The following RASGRP3 variants were observed in gnomAD, a reference collection of about 807,000 sequenced individuals.
RASGRP3 encodes RAS guanyl releasing protein 3.
In RASGRP3, 54 loss-of-function variants were observed where a neutral mutation model predicts 82.7. The ratio of observed to expected loss-of-function variants is 0.65; its 90% CI spans 0.52 to 0.82. The LOEUF (loss-of-function observed/expected upper bound fraction) is 0.82, where lower values mean the gene tolerates loss of function less well. Among genes scored for constraint, RASGRP3 ranks in the 40% least tolerant of loss-of-function variants. RASGRP3 has a pLI of 0.00. For missense variants in RASGRP3, 861 were observed against 828.9 expected (o/e 1.04, Z -0.48); for synonymous variants, 309 against 300.5 (o/e 1.03, Z -0.29).
At chr2:33,516,128 G>A (rs1032509519) in intron 3 of RASGRP3, among the ~76,000 whole-genome samples, 10 of 152,166 alleles carry the variant, frequency 6.6e-5, no homozygotes, top group African/African-American at 2.2e-4. Context: ...ATCACTGGTC[G>A]GCCAGGCGCA....
At chr2:33,524,569 A>G in intron 9 of RASGRP3, 21 bp downstream of exon 9, 1 of 1,503,098 alleles carries the variant, frequency 6.7e-7, no homozygotes, top group Non-Finnish European at 9.1e-7. Context: ...CTTGATCCTA[A>G]TCAAAAGTAA....
At chr2:33,556,295 C>T (rs1162572041) in intron 15 of RASGRP3, among the ~76,000 whole-genome samples, 1 of 78,346 alleles carries the variant, frequency 1.3e-5, no homozygotes, top group Non-Finnish European at 2.2e-5. Context: ...GGCCGGACTG[C>T]GGACTGCAGT....
rs1326653651 is a variant in RASGRP3, at chr2:33,563,313, T to G, written c.*576T>G. Reference sequence around the variant, plus strand: ...CTCATCAGACACTGGAATGCAGTGATTCTTCTAATGATGGTCAACTGCAAG... The same window carrying G: ...CTCATCAGACACTGGAATGCAGTGAGTCTTCTAATGATGGTCAACTGCAAG... On this transcript the variant is annotated 3_prime_UTR_variant, in exon 18 of 18. Transcript: ENST00000403687. 6.5e-6 allele frequency: 1 copy of G among 152,754 alleles called. No homozygotes were observed. The highest frequency in any genetic ancestry group is 1.5e-5 in the Non-Finnish European group (1 of 68,528). The allele number at this position is 152,754 out of a possible 1,614,324, so 9.5% of individuals were successfully genotyped here.
chr2:33,465,718 A>G (rs1319758934), intron 2 of RASGRP3, among the ~76,000 whole-genome samples: 3 of 152,226 alleles, frequency 2.0e-5, no homozygotes, highest in East Asian at 3.8e-4. Flanking sequence ...TTTCATAGCT[A>G]GAAAGAAGTC....
At chr2:33,530,980 A>G (rs1013328469) in intron 10 of RASGRP3, 15 of 152,236 alleles carry the variant, frequency 9.9e-5, no homozygotes, top group African/African-American at 3.4e-4. Flanking sequence ...TGGTATTTTT[A>G]GCCCTATCAG....
intron 1 of RASGRP3, among the ~76,000 whole-genome samples, chr2:33,487,968 A>T (rs111331394): frequency 6.6e-6 from 1 of 152,204 alleles, no homozygotes; most frequent in Non-Finnish European, 1.5e-5. Flanking sequence ...TCACGTATAT[A>T]TGTATATTAC....
At chr2:33,545,910 T>C in intron 13 of RASGRP3, among the ~76,000 whole-genome samples, 1 of 152,272 alleles carries the variant, frequency 6.6e-6, no homozygotes, top group South Asian at 2.1e-4. Context: ...GTTCAAGTGA[T>C]TCTCATGCCT....
chr2:33,453,430 G>C (rs1199290603), intron 2 of RASGRP3, among the ~76,000 whole-genome samples: 3 of 152,168 alleles, frequency 2.0e-5, no homozygotes, highest in African/African-American at 7.2e-5. Context: ...ATCTTGCTGA[G>C]GTCTGCTTTT....
At chr2:33,510,405 T>G (rs1421057569) in intron 1 of RASGRP3, among the ~76,000 whole-genome samples, 3 of 152,230 alleles carry the variant, frequency 2.0e-5, no homozygotes, top group Non-Finnish European at 4.4e-5. Flanking sequence ...TCTGGGAATT[T>G]AGTCTACAAC....
intron 1 of RASGRP3, among the ~76,000 whole-genome samples, chr2:33,439,478 A>G (rs943621815): frequency 1.4e-4 from 21 of 152,226 alleles, no homozygotes; most frequent in Non-Finnish European, 2.6e-4. Context: ...GGGCTGTCAG[A>G]TGAAATACAG....
At chr2:33,538,312 G>T (rs1037325863) in intron 11 of RASGRP3, among the ~76,000 whole-genome samples, 1 of 152,172 alleles carries the variant, frequency 6.6e-6, no homozygotes, top group Non-Finnish European at 1.5e-5. Flanking sequence ...AGACCAGCCT[G>T]GCCAACATGG....
intron 1 of RASGRP3, among the ~76,000 whole-genome samples, chr2:33,507,427 G>A (rs1184997374): frequency 6.6e-6 from 1 of 152,198 alleles, no homozygotes; most frequent in African/African-American, 2.4e-5. Context: ...TGGTGGGGCA[G>A]AGATGCAGAA....
chr2:33,561,218 CA>C (rs1302122695), intron 17 of RASGRP3, among the ~76,000 whole-genome samples: 12 of 152,252 alleles, frequency 7.9e-5, no homozygotes, highest in Non-Finnish European at 1.5e-4. Context: ...AGGCATGTGC[CA>C]CCATGCCCGG....
intron 2 of RASGRP3, among the ~76,000 whole-genome samples, chr2:33,466,197 C>A (rs781452598): frequency 1.3e-5 from 2 of 152,198 alleles, no homozygotes; most frequent in Non-Finnish European, 2.9e-5. Flanking sequence ...AGTGATTCAT[C>A]TGATGGATGT....
chr2:33,468,473 C>T (rs969806835), intron 2 of RASGRP3, among the ~76,000 whole-genome samples: 1 of 152,128 alleles, frequency 6.6e-6, no homozygotes, highest in South Asian at 2.1e-4. Flanking sequence ...ATGATCTCGG[C>T]TCACTGCAAC....
Position 33,560,339 on chromosome 2 carries a change from C to G in RASGRP3, c.2064+1309C>G, listed in dbSNP as rs17013353. ...GATCATCTTGACAACTGTATCAGTCCTATCCCCCTACTTCTTTTACTGGCC... is the reference window on the plus strand; with the variant it reads ...GATCATCTTGACAACTGTATCAGTCGTATCCCCCTACTTCTTTTACTGGCC... On this transcript the variant is annotated intron_variant, in intron 17 of 17. Coordinates refer to ENST00000403687, the MANE Select transcript of RASGRP3 (RefSeq NM_001139488.2). Among the ~76,000 whole-genome samples the G allele has an allele frequency of 6.6e-3, 999 of 152,260 alleles. 11 individuals are homozygous for G. The highest frequency in any genetic ancestry group is 0.023 in the African/African-American group (943 of 41,552).
At chr2:33,501,695 A>T (rs1669891947) in intron 1 of RASGRP3, among the ~76,000 whole-genome samples, 1 of 152,170 alleles carries the variant, frequency 6.6e-6, no homozygotes, top group Non-Finnish European at 1.5e-5. Context: ...TCATCAACGT[A>T]GAGGTGGTAG....
intron 1 of RASGRP3, among the ~76,000 whole-genome samples, chr2:33,496,854 C>T: frequency 6.6e-6 from 1 of 152,128 alleles, no homozygotes; most frequent in Non-Finnish European, 1.5e-5. Context: ...GAGAACTTAT[C>T]TTAAAAAGAA....
At chr2:33,560,425 A>G (rs891612810) in intron 17 of RASGRP3, among the ~76,000 whole-genome samples, 1 of 152,216 alleles carries the variant, frequency 6.6e-6, no homozygotes, top group African/African-American at 2.4e-5. Flanking sequence ...TTAGGTGTCA[A>G]CAGCTCTTAA....
Sources: gnomAD v4.1 joint callset for allele counts (sites outside exome capture counted in the v4.1 genomes callset) on GRCh38, gnomAD v4.1.1 for gene constraint, MANE v1.5 for transcripts, NCBI Gene and HGNC (gene_info 2026-07-23, HGNC 2026-07-21) for gene names.